Variants in ZNF362 observed in about 807,000 individuals in gnomAD.
ZNF362 encodes zinc finger protein 362.
Under a neutral mutation model 42.9 loss-of-function variants are expected in ZNF362, and 11 were observed. The observed-to-expected ratio is 0.26, with a 90% CI of 0.16 to 0.42. The LOEUF is 0.42. Ranked by LOEUF, ZNF362 falls within the 20% of genes least tolerant of loss-of-function variation. The pLI is 1.00. For missense variants in ZNF362, 362 were observed against 576.2 expected (o/e 0.63, Z 3.81); for synonymous variants, 255 against 257.3 (o/e 0.99, Z 0.09).
the ZNF362 span, among the ~76,000 whole-genome samples, chr1:33,236,851 C>A: frequency 6.6e-6 from 1 of 151,618 alleles, no homozygotes; most frequent in African/African-American, 2.4e-5. Context: ...TGGGTAGACC[C>A]CTTGAGATTA....
chr1:33,283,359 T>C (rs1236214895), intron 6 of ZNF362, among the ~76,000 whole-genome samples: 1 of 152,206 alleles, frequency 6.6e-6, no homozygotes, highest in Non-Finnish European at 1.5e-5. Flanking sequence ...GCAAGATGTT[T>C]TACCTTGTCT....
chr1:33,136,738 G>A, the ZNF362 span, among the ~76,000 whole-genome samples: 5 of 150,244 alleles, frequency 3.3e-5, no homozygotes, highest in Non-Finnish European at 7.4e-5. Context: ...GGTGGCTCAC[G>A]CCCGTAATCC....
At chr1:33,271,735 T>C (rs928650928) in intron 2 of ZNF362, among the ~76,000 whole-genome samples, 2 of 150,560 alleles carry the variant, frequency 1.3e-5, no homozygotes, top group East Asian at 3.9e-4. Flanking sequence ...CAGGAGCATC[T>C]GGGCAGATGT....
chr1:33,284,817 C>T (rs1211974664), intron 6 of ZNF362, among the ~76,000 whole-genome samples: 2 of 152,164 alleles, frequency 1.3e-5, no homozygotes, highest in Admixed American at 1.3e-4. Context: ...AATTCCTGTT[C>T]CTCTGATCCT....
At chr1:33,129,611 T>G in the ZNF362 span, among the ~76,000 whole-genome samples, 88,771 of 152,094 alleles carry the variant, frequency 0.58, 28,418 homozygotes, top group African/African-American at 0.87. This position sits in a 1 kb window ranked among gnomAD's most constrained non-coding sequence, Gnocchi z 4.1. Context: ...GTATGACTCT[T>G]TTGTGTAAAT....
At chr1:33,148,582 T>C in the ZNF362 span, among the ~76,000 whole-genome samples, 8 of 152,222 alleles carry the variant, frequency 5.3e-5, no homozygotes, top group Admixed American at 1.3e-4. Context: ...AGTGTGATTG[T>C]GGGTGAGCAT....
chr1:33,240,394 AAC>A, the ZNF362 span, among the ~76,000 whole-genome samples: 2 of 152,234 alleles, frequency 1.3e-5, no homozygotes, highest in African/African-American at 4.8e-5. Flanking sequence ...TCAGTGATAA[AAC>A]AGTCTTCCCT....
the ZNF362 span, among the ~76,000 whole-genome samples, chr1:33,133,652 C>T: frequency 6.6e-6 from 1 of 152,340 alleles, no homozygotes; most frequent in African/African-American, 2.4e-5. Flanking sequence ...TGTAAGCCAC[C>T]CACGTCTGGC....
chr1:33,220,220 T>G, the ZNF362 span, among the ~76,000 whole-genome samples: 1 of 152,136 alleles, frequency 6.6e-6, no homozygotes, highest in Non-Finnish European at 1.5e-5. Flanking sequence ...TGTCCTGAGT[T>G]TCCCTCAATC....
At position 33,299,334 on chromosome 1, in the gene ZNF362, G is replaced by GTTT. The variant is rs35161004; in HGVS notation, c.*299_*301dup. On this transcript the variant is annotated 3_prime_UTR_variant, in exon 9 of 9. Coordinates refer to ENST00000539719, the MANE Select transcript of ZNF362 (RefSeq NM_152493.3). ...TTCCCCACCCTTCACTTGCTTCACT[G>GTTT]TTTTTTTTTTTTTCGTTTTTTTTTT... The GTTT allele has an allele frequency of 8.3e-3, 1,277 of 154,156 alleles. 13 individuals are homozygous for GTTT. The highest frequency in any genetic ancestry group is 0.023 in the African/African-American group (779 of 34,580). The allele number at this position is 154,156 out of a possible 1,614,324, so 9.5% of individuals were successfully genotyped here.
At chr1:33,150,487 C>A in the ZNF362 span, among the ~76,000 whole-genome samples, 1 of 152,224 alleles carries the variant, frequency 6.6e-6, no homozygotes, top group African/African-American at 2.4e-5. Flanking sequence ...TTGCATTTTA[C>A]CCTCTTTGTT....
chr1:33,189,657 A>ATATATATATATATGTATATATATACG, the ZNF362 span, among the ~76,000 whole-genome samples: 2 of 102,010 alleles, frequency 2.0e-5, no homozygotes, highest in African/African-American at 8.1e-5. Flanking sequence ...ATATATATAT[A>ATATATATATATATGTATATATATACG]TATATATATA....
rs1267660022 is a variant in ZNF362, at chr1:33,278,651, T to C, written c.350-1473T>C. Among the ~76,000 whole-genome samples, 4 of 152,234 alleles carry C rather than the reference T, an allele frequency of 2.6e-5. No homozygotes were observed. The East Asian group carries it at 7.7e-4, about 29-fold the overall frequency. On this transcript the variant is annotated intron_variant, in intron 4 of 8. Transcript: ENST00000539719. ...TTGATGTGTCTCCTCTCAGATCTAT[T>C]CCTGTGCGTTTACATGCACATATAT...
At chr1:33,211,546 A>T in the ZNF362 span, among the ~76,000 whole-genome samples, 1 of 152,134 alleles carries the variant, frequency 6.6e-6, no homozygotes. Flanking sequence ...CTTTTCTTTA[A>T]GAATGTTGAA....
intron 1 of ZNF362, among the ~76,000 whole-genome samples, chr1:33,268,284 ACTTGGAGGAGGGGGAGGGGG>A (rs924586240): frequency 6.6e-6 from 1 of 152,146 alleles, no homozygotes. Context: ...GGTGGAGGGG[ACTTGGAGGAGGGGGAGGGGG>A]CTTCCTTCCA....
At chr1:33,218,387 C>T in the ZNF362 span, among the ~76,000 whole-genome samples, 2 of 152,100 alleles carry the variant, frequency 1.3e-5, no homozygotes, top group Admixed American at 1.3e-4. Flanking sequence ...GCTGCAGTGC[C>T]CTGTGATTAC....
intron 8 of ZNF362, among the ~76,000 whole-genome samples, chr1:33,297,397 A>G (rs112007737): frequency 0.014 from 2,083 of 152,316 alleles, 58 homozygotes; most frequent in African/African-American, 0.044. Context: ...CCTTTGGAAT[A>G]TCAAAAAGTA....
At chr1:33,240,012 G>A in the ZNF362 span, among the ~76,000 whole-genome samples, 1 of 152,178 alleles carries the variant, frequency 6.6e-6, no homozygotes, top group Non-Finnish European at 1.5e-5. Context: ...TCTTACAGTA[G>A]AATGCCAACT....
chr1:33,286,258 A>G (rs987179561), intron 6 of ZNF362, among the ~76,000 whole-genome samples: 6 of 152,214 alleles, frequency 3.9e-5, no homozygotes, highest in Non-Finnish European at 8.8e-5. Context: ...GATCTGAGAA[A>G]GGCGACAGCA....
Sources: allele counts gnomAD v4.1 joint callset (sites outside exome capture counted in the v4.1 genomes callset), GRCh38; gene constraint gnomAD v4.1.1; non-coding constraint Gnocchi (gnomAD v3.1); transcripts MANE v1.5; gene names NCBI Gene and HGNC (gene_info 2026-07-23, HGNC 2026-07-21).